The following DTNA variants were observed in gnomAD, a reference collection of about 807,000 sequenced individuals.
DTNA encodes the protein dystrophin-related protein 3.
A neutral mutation model predicts 100.7 loss-of-function variants in DTNA; 43 were observed. That is an observed-to-expected ratio of 0.43 (90% CI 0.33 to 0.55). The LOEUF (loss-of-function observed/expected upper bound fraction) is 0.55. DTNA is among the 20% of genes least tolerant of loss of function. The pLI, the probability that DTNA is intolerant of heterozygous loss-of-function variation, is 0.04. For missense variants in DTNA, 798 were observed against 953.9 expected (o/e 0.84, Z 2.15); for synonymous variants, 349 against 347.9 (o/e 1.00, Z -0.04).
intron 1 of DTNA, among the ~76,000 whole-genome samples, chr18:34,690,497 G>A (rs932099630): frequency 6.6e-6 from 1 of 152,140 alleles, no homozygotes; most frequent in Non-Finnish European, 1.5e-5. Context: ...AGATGAACTG[G>A]GTACCTCAGT....
intron 1 of DTNA, among the ~76,000 whole-genome samples, chr18:34,665,955 G>A (rs563278301): frequency 5.9e-5 from 9 of 152,128 alleles, no homozygotes; most frequent in Non-Finnish European, 1.3e-4. Flanking sequence ...GGATGGCTGG[G>A]TCAAATGGTA....
At chr18:34,496,333 T>C (rs1289991338) in intron 1 of DTNA, among the ~76,000 whole-genome samples, 2 of 152,154 alleles carry the variant, frequency 1.3e-5, no homozygotes, top group Non-Finnish European at 2.9e-5. Flanking sequence ...CAAATGTTTT[T>C]GATATTGAAC....
At position 34,809,781 on chromosome 18, in the gene DTNA, G is replaced by T. The variant is rs556543339; in HGVS notation, c.449-2178G>T. On this transcript the variant is annotated intron_variant, in intron 5 of 22. Transcript: ENST00000444659. ...ACAAAGAGAAAGCAACAGAAAATTT[G>T]AAGTTGATTTTCTTAACGCTTTAAA... is the stretch of plus-strand genomic sequence containing the variant. Among the ~76,000 whole-genome samples, 5 of 152,252 alleles carry T rather than the reference G, an allele frequency of 3.3e-5. No homozygotes were observed. In the South Asian group the frequency reaches 8.3e-4, roughly 25 times the overall value.
chr18:34,681,695 AACACACACACAC>A (rs71813996), intron 1 of DTNA, among the ~76,000 whole-genome samples: 5 of 142,904 alleles, frequency 3.5e-5, no homozygotes, highest in African/African-American at 7.8e-5. Flanking sequence ...CCCTATACAC[AACACACACACAC>A]ACACACACAC....
intron 1 of DTNA, among the ~76,000 whole-genome samples, chr18:34,647,534 G>T (rs1316857706): frequency 5.3e-5 from 8 of 152,202 alleles, no homozygotes; most frequent in African/African-American, 7.2e-5. Flanking sequence ...GGGAAATGTA[G>T]TAGAGCTGCG....
At chr18:34,610,020 CTA>C (rs71991189) in intron 1 of DTNA, among the ~76,000 whole-genome samples, 3,482 of 150,282 alleles carry the variant, frequency 0.023, 132 homozygotes, top group African/African-American at 0.08. Flanking sequence ...TTGCCGAGAT[CTA>C]TATATATATA....
intron 3 of DTNA, among the ~76,000 whole-genome samples, chr18:34,786,442 G>A (rs1468025130): frequency 6.6e-5 from 10 of 152,114 alleles, no homozygotes; most frequent in Non-Finnish European, 4.4e-5. Flanking sequence ...TCTAGGGAGG[G>A]GAGAACTGAA....
chr18:34,771,857 A>G (rs1001085509), intron 3 of DTNA, among the ~76,000 whole-genome samples: 38 of 152,180 alleles, frequency 2.5e-4, no homozygotes, highest in African/African-American at 8.9e-4. Flanking sequence ...GCATCATCTC[A>G]GCCTTTATTT....
At chr18:34,794,663 A>G (rs143587815) in intron 4 of DTNA, among the ~76,000 whole-genome samples, 162 of 152,342 alleles carry the variant, frequency 1.1e-3, no homozygotes, top group African/African-American at 3.8e-3. Context: ...ACAGCAAACA[A>G]GAAAGAAATT....
At position 34,635,905 on chromosome 18, in the gene DTNA, T is replaced by TC. The variant is rs370149406; in HGVS notation, c.-1-120070dup. 3.0e-3 allele frequency among the ~76,000 whole-genome samples: 452 copies of TC among 152,062 alleles called. 3 individuals are homozygous for TC. The highest frequency in any genetic ancestry group is 0.01 in the African/African-American group (429 of 41,426). ...GAAGTGACAGCTTAATTCTTTTTTT[T>TC]CAATTAAAAAAAAAAACCTGTGAAA... On this transcript the variant is annotated intron_variant, in intron 1 of 19. Transcript: ENST00000283365.
At chr18:34,768,276 A>G (rs2093592529) in intron 3 of DTNA, among the ~76,000 whole-genome samples, 1 of 152,148 alleles carries the variant, frequency 6.6e-6, no homozygotes, top group African/African-American at 2.4e-5. Flanking sequence ...GATTTCCAAT[A>G]AAAGACTACA....
chr18:34,866,043 C>T (rs1165374623), intron 17 of DTNA: 6 of 1,577,722 alleles, frequency 3.8e-6, no homozygotes, highest in Admixed American at 3.3e-5. Context: ...TGCGTTCCTT[C>T]ACACTGTGTA....
At chr18:34,622,321 G>C (rs751719506) in intron 1 of DTNA, among the ~76,000 whole-genome samples, 2 of 152,134 alleles carry the variant, frequency 1.3e-5, no homozygotes, top group East Asian at 3.8e-4. Flanking sequence ...CCCCCTATAC[G>C]TATAACTCCG....
At chr18:34,494,425 C>T (rs1008370581) in intron 1 of DTNA, among the ~76,000 whole-genome samples, 39 of 152,140 alleles carry the variant, frequency 2.6e-4, no homozygotes, top group African/African-American at 9.4e-4. Context: ...TAGCCTGTTG[C>T]CCACTTCGAA....
At chr18:34,508,323 C>T (rs1027112073) in intron 1 of DTNA, among the ~76,000 whole-genome samples, 1 of 152,004 alleles carries the variant, frequency 6.6e-6, no homozygotes, top group African/African-American at 2.4e-5. Context: ...GAGACAGATG[C>T]GTATGTGGAT....
At chr18:34,667,326 G>A (rs1016832355) in intron 1 of DTNA, among the ~76,000 whole-genome samples, 6 of 152,224 alleles carry the variant, frequency 3.9e-5, no homozygotes, top group Non-Finnish European at 8.8e-5. Context: ...ATTTGGGGCT[G>A]AGACGATGGG....
intron 3 of DTNA, among the ~76,000 whole-genome samples, chr18:34,769,725 C>CTTTTGTTTTTTTTTTTTTTTTTTTTTTT (rs2093664476): frequency 1.9e-5 from 1 of 53,872 alleles, no homozygotes. Flanking sequence ...CCCTCTGGGG[C>CTTTTGTTTTTTTTTTTTTTTTTTTTTTT]TTTTTTTTTT....
At chr18:34,845,416 A>G (rs1020659776) in intron 13 of DTNA, among the ~76,000 whole-genome samples, 1 of 152,164 alleles carries the variant, frequency 6.6e-6, no homozygotes, top group Non-Finnish European at 1.5e-5. Context: ...CTAGCTAGTC[A>G]TTCATTTTAA....
At chr18:34,746,765 C>G (rs1410490573) in intron 1 of DTNA, among the ~76,000 whole-genome samples, 1 of 152,064 alleles carries the variant, frequency 6.6e-6, no homozygotes, top group East Asian at 1.9e-4. Context: ...ATCATCCTTC[C>G]AAAAAGTTCC....
Sources: gnomAD v4.1 joint callset for allele counts (sites outside exome capture counted in the v4.1 genomes callset) on GRCh38, gnomAD v4.1.1 for gene constraint, MANE v1.5 for transcripts, NCBI Gene and HGNC (gene_info 2026-07-23, HGNC 2026-07-21) for gene names.